The following AGK variants were observed in gnomAD, a reference collection of about 807,000 sequenced individuals.
The protein encoded by AGK is acylglycerol kinase.
Under a neutral mutation model 66.4 loss-of-function variants are expected in AGK, and 52 were observed. The ratio of observed to expected loss-of-function variants is 0.78; its 90% CI spans 0.63 to 0.99. The LOEUF is 0.99. AGK is among the 50% of genes least tolerant of loss of function. The pLI, the probability that AGK is intolerant of heterozygous loss-of-function variation, is 0.00. For synonymous variants in AGK, 182 were observed against 181.1 expected (o/e 1.00, Z -0.04); for missense variants, 451 against 506.6 (o/e 0.89, Z 1.05).
Position 141,596,647 on chromosome 7 carries a change from TC to T in AGK, c.221+8del. ...AATCCTGCAGCTTGCAAAGGGTAGT[TC>T]CGTTTGTGACTTGTTATATACTTGC... On this transcript the variant is annotated splice_region_variant and intron_variant, in intron 4 of 15. Coordinates refer to ENST00000649286, the MANE Select transcript of AGK (RefSeq NM_018238.4). The T allele has an allele frequency of 6.2e-7, 1 of 1,612,996 alleles. No individual in the cohort carries two copies. The highest frequency in any genetic ancestry group is 8.5e-7 in the Non-Finnish European group (1 of 1,178,974).
rs773549163 is a variant in AGK, at chr7:141,555,487, G to T, written c.21G>T (p.Thr7=). ...AGAAGATGACGGTGTTCTTTAAAAC[G>T]CTTCGAAATCACTGGAAGAAAACTA... MTVFFK[T]LRNHWKKTTA... The change falls in exon 2 of 16, where the codon ACG becomes ACT. Residue 7 remains threonine, a synonymous_variant. Transcript: ENST00000649286. This position sits in a 1 kb window ranked among gnomAD's most constrained non-coding sequence, Gnocchi z 4.2. 8.7e-6 allele frequency: 14 copies of T among 1,613,750 alleles called. No homozygotes were observed. Among genetic ancestry groups the T allele is most frequent in the Non-Finnish European group, 1.2e-5 (14 of 1,179,924 alleles).
At chr7:141,616,852 A>T (rs1413920001) in intron 8 of AGK, among the ~76,000 whole-genome samples, 3 of 148,386 alleles carry the variant, frequency 2.0e-5, no homozygotes, top group African/African-American at 7.5e-5. Flanking sequence ...TCCGTCTCCC[A>T]GGTTCACGCC....
chr7:141,560,995 G>A (rs574547128), intron 2 of AGK, among the ~76,000 whole-genome samples: 213 of 152,066 alleles, frequency 1.4e-3, no homozygotes, highest in Non-Finnish European at 2.5e-3. Context: ...GGGTTTCATC[G>A]TGTTAGCCAG....
At chr7:141,652,505 T>A (rs1438210956) in intron 15 of AGK, 1 of 274,022 alleles carries the variant, frequency 3.6e-6, no homozygotes, top group Admixed American at 4.6e-5. Flanking sequence ...TTGAAAATTA[T>A]AACCATGTTG....
At chr7:141,583,785 A>T (rs1260790060) in intron 2 of AGK, among the ~76,000 whole-genome samples, 1 of 151,970 alleles carries the variant, frequency 6.6e-6, no homozygotes, top group Non-Finnish European at 1.5e-5. Flanking sequence ...AAAGGAAAGG[A>T]ACTGAAATTA....
chr7:141,560,844 T>C (rs1467907694), intron 2 of AGK, among the ~76,000 whole-genome samples: 2 of 147,800 alleles, frequency 1.4e-5, no homozygotes, highest in Admixed American at 7.1e-5. Flanking sequence ...TCGCCCAGGC[T>C]GGAGTGCAGT....
chr7:141,636,872 T>C, intron 10 of AGK, 88 bp from the exon 11 acceptor site: 1 of 1,083,920 alleles, frequency 9.2e-7, no homozygotes, highest in Non-Finnish European at 1.4e-6. Flanking sequence ...GAGATGTAAT[T>C]CTAATGTATT....
chr7:141,601,204 G>A lies in AGK; in HGVS notation c.222-1G>A, dbSNP rs1329699975. The stretch of plus-strand genomic sequence containing the variant: ...GTTTATATTTTTTCCTTTGTTAACA[G>A]AAAAGCCAGGACTCTATTTGAAAAA... On this transcript the variant is annotated splice_acceptor_variant, in intron 4 of 15. Coordinates refer to ENST00000649286, the MANE Select transcript of AGK (RefSeq NM_018238.4). LOFTEE classifies it high-confidence loss of function. The A allele has an allele frequency of 1.2e-6, 2 of 1,608,154 alleles. No homozygotes were observed. Among genetic ancestry groups the A allele is most frequent in the Admixed American group, 3.4e-5 (2 of 59,500 alleles).
rs886062030 is a variant in AGK, at chr7:141,654,251, GTTTT to G, written c.*1331_*1334del. The G allele has an allele frequency of 2.4e-4, 36 of 152,070 alleles. No homozygotes were observed. Among genetic ancestry groups the G allele is most frequent in the Admixed American group, 1.6e-3 (25 of 15,262 alleles). The allele number at this position is 152,070 out of a possible 1,614,324, so 9.4% of individuals were successfully genotyped here. Reference sequence around the variant, plus strand: ...GGTATTAATTCTTGGATGATTAAAAGTTTTTTTATTAGAATGTTCTTTATCCTAA... The same window carrying G: ...GGTATTAATTCTTGGATGATTAAAAGTTTATTAGAATGTTCTTTATCCTAA... On this transcript the variant is annotated 3_prime_UTR_variant, in exon 16 of 16. Transcript: ENST00000649286.
intron 7 of AGK, among the ~76,000 whole-genome samples, chr7:141,614,729 G>T (rs1202069761): frequency 6.6e-6 from 1 of 152,164 alleles, no homozygotes; most frequent in Non-Finnish European, 1.5e-5. Flanking sequence ...TCTGGGAAGG[G>T]AGAGAGGAGA....
chr7:141,552,192 C>T (rs1168438507), intron 1 of AGK, among the ~76,000 whole-genome samples: 1 of 152,178 alleles, frequency 6.6e-6, no homozygotes, highest in Non-Finnish European at 1.5e-5. Context: ...TAATGGTTCT[C>T]TTTAGCTTTA....
At chr7:141,646,435 C>T (rs1003788375) in intron 13 of AGK, among the ~76,000 whole-genome samples, 8 of 152,144 alleles carry the variant, frequency 5.3e-5, no homozygotes, top group Non-Finnish European at 1.0e-4. Flanking sequence ...AAAGGTATTG[C>T]CTCAGTAGTG....
chr7:141,562,198 T>C (rs572099719), intron 2 of AGK: 3 of 454,528 alleles, frequency 6.6e-6, no homozygotes, highest in South Asian at 4.7e-5. Context: ...TTAGCCAGGA[T>C]GTTGCAGGCA....
chr7:141,630,485 CAT>C (rs1230078039), intron 9 of AGK, among the ~76,000 whole-genome samples: 3 of 152,176 alleles, frequency 2.0e-5, no homozygotes, highest in Non-Finnish European at 2.9e-5. Flanking sequence ...AATCATCCCA[CAT>C]GTCAATTACA....
At chr7:141,576,575 G>A (rs1318508149) in intron 2 of AGK, among the ~76,000 whole-genome samples, 1 of 148,802 alleles carries the variant, frequency 6.7e-6, no homozygotes, top group Non-Finnish European at 1.5e-5. Context: ...ATTAGAACTG[G>A]TGGGATACTA....
At chr7:141,596,891 T>G in intron 4 of AGK, 1 of 459,996 alleles carries the variant, frequency 2.2e-6, no homozygotes, top group East Asian at 3.7e-5. Context: ...CAAAGATGTC[T>G]TATTTGCTTG....
At chr7:141,638,637 A>G (rs1797224103) in intron 11 of AGK, among the ~76,000 whole-genome samples, 1 of 152,172 alleles carries the variant, frequency 6.6e-6, no homozygotes, top group South Asian at 2.1e-4. Context: ...CAGTATTGAC[A>G]ATAGAAGATG....
chr7:141,594,653 C>CT (rs1239965789), intron 3 of AGK, among the ~76,000 whole-genome samples: 1 of 151,824 alleles, frequency 6.6e-6, no homozygotes. Flanking sequence ...GTATTTCTTT[C>CT]TTTCTTTCTT....
chr7:141,622,738 A>C (rs1159726162), intron 9 of AGK, among the ~76,000 whole-genome samples: 3 of 152,166 alleles, frequency 2.0e-5, no homozygotes, highest in African/African-American at 7.2e-5. Flanking sequence ...AAGAAGACGC[A>C]TCTGTCTCTC....
Sources: allele counts gnomAD v4.1 joint callset (sites outside exome capture counted in the v4.1 genomes callset), GRCh38; gene constraint gnomAD v4.1.1; non-coding constraint Gnocchi (gnomAD v3.1); transcripts MANE v1.5; gene names NCBI Gene and HGNC (gene_info 2026-07-23, HGNC 2026-07-21).